Variants in KLF10 observed in about 807,000 individuals in gnomAD.
KLF10 encodes KLF transcription factor 10, also known as Krueppel-like factor 10.
KLF10 carries 17 observed loss-of-function variants against 31.6 expected under a neutral mutation model. The ratio of observed to expected loss-of-function variants is 0.54; its 90% CI spans 0.37 to 0.81. The LOEUF is 0.81. KLF10 is among the 30% of genes least tolerant of loss of function. KLF10 has a pLI of 0.00. For synonymous variants in KLF10, 239 were observed against 215.1 expected (o/e 1.11, Z -0.97); for missense variants, 525 against 598.1 (o/e 0.88, Z 1.27).
intron 3 of KLF10, among the ~76,000 whole-genome samples, chr8:102,650,595 A>C (rs1827183564): frequency 6.6e-6 from 1 of 152,214 alleles, no homozygotes; most frequent in African/African-American, 2.4e-5. Context: ...ACATGAAATA[A>C]GGCAGCCGGG....
intron 1 of KLF10, chr8:102,654,102 AGGGGGCGAGGC>A (rs1258861955): frequency 6.7e-6 from 2 of 297,916 alleles, no homozygotes; most frequent in African/African-American, 4.6e-5. Context: ...GTGGGCGAGG[AGGGGGCGAGGC>A]ATGTGAACAA....
In KLF10 at chr8:102,651,823, C is replaced by A. The variant is rs1326258873; in HGVS notation, c.509G>T (p.Cys170Phe). The A allele has an allele frequency of 5.0e-6, 8 of 1,614,130 alleles. No homozygotes were observed. The South Asian group carries it at 6.6e-5, about 13-fold the overall frequency. The change falls in exon 3 of 4, where the codon TGC (cysteine) becomes TTC (phenylalanine). Residue 170 changes from cysteine (C) to phenylalanine (F), a missense_variant. Coordinates refer to ENST00000285407, the MANE Select transcript of KLF10 (RefSeq NM_005655.4). Reference protein sequence around the residue: ...ADAQLCNHQTCPMKAASILNY... With the variant: ...ADAQLCNHQTFPMKAASILNY... ...GAGGATGCTGGCTGCTTTCATTGGG[C>A]AGGTCTGGTGGTTACATAGCTGGGC...
In KLF10 at chr8:102,653,534, TA is replaced by T. The variant is rs575688388; in HGVS notation, c.37-1138del. 233 of 1,498,616 alleles carry T rather than the reference TA, an allele frequency of 1.6e-4. 2 individuals are homozygous for T. In the African/African-American group the frequency reaches 3.0e-3, roughly 20 times the overall value. The allele number at this position is 1,498,616 out of a possible 1,614,324, so 92.8% of individuals were successfully genotyped here. ...TCGTTTGGTCAAAGTAGAGATTGTG[TA>T]AAAATACCAAAAAACATTCTTTACG... is the stretch of plus-strand genomic sequence containing the variant. On this transcript the variant is annotated intron_variant, in intron 1 of 3. Coordinates refer to ENST00000285407, the MANE Select transcript of KLF10 (RefSeq NM_005655.4).
At position 102,651,916 on chromosome 8, in the gene KLF10, T is replaced by C. The variant is rs761482407; in HGVS notation, c.416A>G (p.Lys139Arg). 8.1e-6 allele frequency: 13 copies of C among 1,614,106 alleles called. No individual in the cohort carries two copies. The highest frequency in any genetic ancestry group is 1.0e-5 in the Non-Finnish European group (12 of 1,180,028). Reference protein sequence around the residue: ...HIAAPFKEEEKSPVSAPKLPK... With the variant: ...HIAAPFKEEERSPVSAPKLPK... ...GAGTTTGGGGGCAGATACTGGGCTCTTTTCTTCCTCTTTGAAAGGTGCGGC... is the reference window on the plus strand; with the variant it reads ...GAGTTTGGGGGCAGATACTGGGCTCCTTTCTTCCTCTTTGAAAGGTGCGGC... Residue 139 changes from lysine (K) to arginine (R), a missense_variant, in exon 3 of 4, where the codon AAG (lysine) becomes AGG (arginine). Transcript: ENST00000285407.
intron 1 of KLF10, among the ~76,000 whole-genome samples, chr8:102,654,953 C>T (rs1036460146): frequency 6.6e-6 from 1 of 152,058 alleles, no homozygotes; most frequent in African/African-American, 2.4e-5. Flanking sequence ...CTCGTGTCAT[C>T]CCCCCGCTCC....
At chr8:102,650,603 G>A (rs113594781) in intron 3 of KLF10, among the ~76,000 whole-genome samples, 28 of 152,218 alleles carry the variant, frequency 1.8e-4, no homozygotes, top group African/African-American at 9.6e-5. Flanking sequence ...TAAGGCAGCC[G>A]GGTGGAGTAG....
In KLF10 at chr8:102,651,635, C is replaced by T. The variant is rs752540057; in HGVS notation, c.697G>A (p.Val233Met). 7 of 1,614,240 alleles carry T rather than the reference C, an allele frequency of 4.3e-6. No homozygotes were observed. Among genetic ancestry groups the T allele is most frequent in the African/African-American group, 1.3e-5 (1 of 75,064 alleles). Residue 233 changes from valine (V) to methionine (M), a missense_variant, in exon 3 of 4, where the codon GTG (valine) becomes ATG (methionine). Transcript: ENST00000285407. Reference protein sequence around the residue: ...KASAALYDFSVPSSETVICRS... With the variant: ...KASAALYDFSMPSSETVICRS... ...CAGATGACCGTCTCTGAGGAAGGCACAGAAAAGTCATAAAGTGCAGCACTT... is the reference window on the plus strand; with the variant it reads ...CAGATGACCGTCTCTGAGGAAGGCATAGAAAAGTCATAAAGTGCAGCACTT...
chr8:102,650,624 T>C lies in KLF10; in HGVS notation c.1184-233A>G, dbSNP rs13275089. ...AGCCGGGTGGAGTAGTAGGCACCTGTAGTCCCAACTACTCAGAAGGCTGGG... is the reference window on the plus strand; with the variant it reads ...AGCCGGGTGGAGTAGTAGGCACCTGCAGTCCCAACTACTCAGAAGGCTGGG... On this transcript the variant is annotated intron_variant, in intron 3 of 3. Transcript: ENST00000285407. Among the ~76,000 whole-genome samples, 48,441 of 152,006 alleles carry C rather than the reference T, an allele frequency of 0.32. 7,973 individuals carry two copies. Among genetic ancestry groups the C allele is most frequent in the Middle Eastern group, 0.44 (129 of 294 alleles).
In KLF10 at chr8:102,649,448, T is replaced by G. The variant is rs1827154221; in HGVS notation, c.*684A>C. On this transcript the variant is annotated 3_prime_UTR_variant, in exon 4 of 4. Transcript: ENST00000285407. ...GCCTAGATACAGTCATTTGTTAAAC[T>G]TTCAAAACAAAAATGCAAAAACAAA... 6.6e-6 allele frequency: 1 copy of G among 152,312 alleles called. No homozygotes were observed. The highest frequency in any genetic ancestry group is 1.5e-5 in the Non-Finnish European group (1 of 68,096). The allele number at this position is 152,312 out of a possible 1,614,324, so 9.4% of individuals were successfully genotyped here.
At position 102,650,127 on chromosome 8, in the gene KLF10, G is replaced by A. The variant is rs1363054120; in HGVS notation, c.*5C>T. The A allele has an allele frequency of 1.2e-6, 2 of 1,613,886 alleles. No homozygotes were observed. The highest frequency in any genetic ancestry group is 1.7e-6 in the Non-Finnish European group (2 of 1,179,796). On this transcript the variant is annotated 3_prime_UTR_variant, in exon 4 of 4. Transcript: ENST00000285407. ...GTTAGTTCTGACTCTTCACTTTCCG[G>A]TCTGTCACTGTGTGGGAGCAGGGGT...
chr8:102,651,411 G>T lies in KLF10; in HGVS notation c.921C>A (p.Phe307Leu). 6.2e-7 allele frequency: 1 copy of T among 1,612,478 alleles called. No homozygotes were observed. Among genetic ancestry groups the T allele is most frequent in the Non-Finnish European group, 8.5e-7 (1 of 1,179,092 alleles). Residue 307 changes from phenylalanine (F) to leucine (L), a missense_variant, in exon 3 of 4, where the codon TTC (phenylalanine) becomes TTA (leucine). By Grantham distance (22) the Phe-to-Leu change is conservative. Coordinates refer to ENST00000285407, the MANE Select transcript of KLF10 (RefSeq NM_005655.4). Reference protein sequence around the residue: ...QPPAVCPPVVFMGTQVPKGAV... With the variant: ...QPPAVCPPVVLMGTQVPKGAV... ...CGCCTTTGGGGACTTGTGTGCCCAT[G>T]AACACAACAGGGGGGCAAACGGCTG...
chr8:102,650,662 C>T (rs1827185773), intron 3 of KLF10, among the ~76,000 whole-genome samples: 1 of 152,132 alleles, frequency 6.6e-6, no homozygotes, highest in Admixed American at 6.5e-5. Flanking sequence ...AGGAGGATAG[C>T]TTGAGCCCAG....
Position 102,651,481 on chromosome 8 carries a change from G to C in KLF10, c.851C>G (p.Pro284Arg), listed in dbSNP as rs535808900. The C allele has an allele frequency of 6.2e-7, 1 of 1,614,000 alleles. No individual in the cohort carries two copies. Among genetic ancestry groups the C allele is most frequent in the African/African-American group, 1.3e-5 (1 of 75,044 alleles). ...GCTGGGAACGACTGTTGTCACAACA[G>C]GGTTGTTGGCAGGAAGGGGAACCAT... Reference protein sequence around the residue: ...CQMVPLPANNPVVTTVVPSTP... With the variant: ...CQMVPLPANNRVVTTVVPSTP... The change falls in exon 3 of 4, where the codon CCT becomes CGT. Residue 284 changes from proline (P) to arginine (R), a missense_variant. Coordinates refer to ENST00000285407, the MANE Select transcript of KLF10 (RefSeq NM_005655.4).
intron 3 of KLF10, 64 bp from the exon 4 acceptor site, chr8:102,650,455 T>C: frequency 6.8e-7 from 1 of 1,475,506 alleles, no homozygotes; most frequent in Admixed American, 2.1e-5. Context: ...TGTTCAATTC[T>C]GTCTAAAAGT....
intron 1 of KLF10, among the ~76,000 whole-genome samples, chr8:102,655,102 G>A (rs1827331784): frequency 6.6e-6 from 1 of 152,212 alleles, no homozygotes; most frequent in African/African-American, 2.4e-5. Context: ...CTTGCGAGCA[G>A]CCCCTTCCTC....
rs1019217673 is a variant in KLF10, at chr8:102,649,327, A to G, written c.*805T>C. The G allele has an allele frequency of 6.6e-6, 1 of 152,230 alleles. No homozygotes were observed. The highest frequency in any genetic ancestry group is 2.4e-5 in the African/African-American group (1 of 41,460). The allele number at this position is 152,230 out of a possible 1,614,324, so 9.4% of individuals were successfully genotyped here. Reference sequence around the variant, plus strand: ...TCAGTTTTTTTTCTAAACAAAGTGCAGTGTATCTTAGAGTCTACAGAAAAC... The same window carrying G: ...TCAGTTTTTTTTCTAAACAAAGTGCGGTGTATCTTAGAGTCTACAGAAAAC... On this transcript the variant is annotated 3_prime_UTR_variant, in exon 4 of 4. Coordinates refer to ENST00000285407, the MANE Select transcript of KLF10 (RefSeq NM_005655.4).
At chr8:102,652,539 A>G in intron 1 of KLF10, 142 bp from the exon 2 acceptor site, 1 of 572,890 alleles carries the variant, frequency 1.7e-6, no homozygotes, top group South Asian at 2.4e-5. Flanking sequence ...TTTTCCTCTC[A>G]CACTTACTAT....
At chr8:102,653,494 G>T in intron 1 of KLF10, 1 of 1,546,606 alleles carries the variant, frequency 6.5e-7, no homozygotes, top group Non-Finnish European at 8.7e-7. Context: ...TCCATTAAAA[G>T]AAAACTGTCC....
Position 102,652,042 on chromosome 8 carries a change from C to CTT in KLF10, c.289_290insAA (p.Ser97LysfsTer14). ...TTGAGAGGGTTCAAAGTCAGAAGGA[C>CTT]TGTAAGGTGGAGTCAAACACTAAAG... On this transcript the variant is annotated frameshift_variant, in exon 3 of 4. Coordinates refer to ENST00000285407, the MANE Select transcript of KLF10 (RefSeq NM_005655.4). LOFTEE classifies it high-confidence loss of function. 1 of 1,604,938 alleles carries CTT rather than the reference C, an allele frequency of 6.2e-7. No homozygotes were observed. The highest frequency in any genetic ancestry group is 1.1e-5 in the South Asian group (1 of 89,616).
Sources: allele counts gnomAD v4.1 joint callset (sites outside exome capture counted in the v4.1 genomes callset), GRCh38; gene constraint gnomAD v4.1.1; transcripts MANE v1.5; gene names NCBI Gene and HGNC (gene_info 2026-07-23, HGNC 2026-07-21).